The following HS3ST5 variants were observed in gnomAD, a reference collection of about 807,000 sequenced individuals.
The protein encoded by HS3ST5 is heparan sulfate glucosamine 3-O-sulfotransferase 5.
Under a neutral mutation model 25.4 loss-of-function variants are expected in HS3ST5, and 10 were observed. The observed-to-expected ratio is 0.39, with a 90% CI of 0.24 to 0.67. The LOEUF (loss-of-function observed/expected upper bound fraction) is 0.67, where lower values mean the gene tolerates loss of function less well. Ranked by LOEUF, HS3ST5 falls within the 30% of genes least tolerant of loss-of-function variation. The pLI, the probability that HS3ST5 is intolerant of heterozygous loss-of-function variation, is 0.44. For missense variants in HS3ST5, 324 were observed against 420.7 expected (o/e 0.77, Z 2.01); for synonymous variants, 170 against 162.4 (o/e 1.05, Z -0.36).
At chr6:114,304,462 G>A (rs772318421) in intron 1 of HS3ST5, among the ~76,000 whole-genome samples, 15 of 151,974 alleles carry the variant, frequency 9.9e-5, no homozygotes, top group Non-Finnish European at 1.9e-4. Flanking sequence ...AATTTTTAAT[G>A]CCTCTATACA....
chr6:114,170,456 A>C (rs1227569426), intron 2 of HS3ST5, among the ~76,000 whole-genome samples: 2 of 152,162 alleles, frequency 1.3e-5, no homozygotes, highest in Non-Finnish European at 2.9e-5. Context: ...TACAAAATGT[A>C]ACTATTTTCT....
chr6:114,268,319 G>C (rs933944832), intron 1 of HS3ST5, among the ~76,000 whole-genome samples: 1 of 152,190 alleles, frequency 6.6e-6, no homozygotes, highest in Non-Finnish European at 1.5e-5. Flanking sequence ...AAAGCTAAAA[G>C]GGTAGCCAGC....
intron 3 of HS3ST5, among the ~76,000 whole-genome samples, chr6:114,118,130 C>G (rs1306744921): frequency 1.3e-5 from 2 of 152,168 alleles, no homozygotes; most frequent in Non-Finnish European, 2.9e-5. Context: ...CTTTATTTCT[C>G]CAGTTGTAAA....
intron 1 of HS3ST5, among the ~76,000 whole-genome samples, chr6:114,330,776 C>T (rs926083504): frequency 6.6e-6 from 1 of 152,108 alleles, no homozygotes; most frequent in Non-Finnish European, 1.5e-5. Flanking sequence ...TCTAGGGAGT[C>T]CTGGGTAAAA....
intron 3 of HS3ST5, among the ~76,000 whole-genome samples, chr6:114,092,195 G>C (rs1775155129): frequency 6.6e-6 from 1 of 152,200 alleles, no homozygotes; most frequent in Admixed American, 6.5e-5. Context: ...TAAGATGACA[G>C]TGCCCTTACT....
chr6:114,194,910 G>A (rs747430057), intron 2 of HS3ST5, among the ~76,000 whole-genome samples: 3 of 152,182 alleles, frequency 2.0e-5, no homozygotes, highest in African/African-American at 4.8e-5. Flanking sequence ...GCCAGAGGCC[G>A]TGCCTCCCAG....
chr6:114,204,584 A>T (rs1196184062), intron 2 of HS3ST5, among the ~76,000 whole-genome samples: 2 of 152,142 alleles, frequency 1.3e-5, no homozygotes, highest in East Asian at 3.9e-4. Flanking sequence ...TATATTTTTA[A>T]AAAGCTCTAA....
intron 1 of HS3ST5, among the ~76,000 whole-genome samples, chr6:114,276,526 T>C (rs1236528762): frequency 6.6e-6 from 1 of 151,752 alleles, no homozygotes; most frequent in African/African-American, 2.4e-5. Flanking sequence ...GCAAAAAGCA[T>C]TTTTTTGTAT....
chr6:114,255,706 A>G (rs962577722), intron 1 of HS3ST5, among the ~76,000 whole-genome samples: 1 of 152,114 alleles, frequency 6.6e-6, no homozygotes. Context: ...ACCATGTGGA[A>G]GCTGCCAAGG....
chr6:114,113,832 C>CT (rs879394046), intron 3 of HS3ST5, among the ~76,000 whole-genome samples: 94 of 147,576 alleles, frequency 6.4e-4, no homozygotes, highest in East Asian at 1.8e-3. Context: ...CTGTCAAAGT[C>CT]TTTTTTTTTT....
intron 3 of HS3ST5, among the ~76,000 whole-genome samples, chr6:114,065,402 T>G (rs565753683): frequency 1.3e-5 from 2 of 152,322 alleles, no homozygotes; most frequent in South Asian, 4.1e-4. Flanking sequence ...GAAATGCAAA[T>G]ACTGCAGCAA....
Position 114,138,192 on chromosome 6 carries a change from A to C in HS3ST5, c.-33+30159T>G, listed in dbSNP as rs555338258. Among the ~76,000 whole-genome samples, 77 of 152,314 alleles carry C rather than the reference A, an allele frequency of 5.1e-4. 1 individual carries two copies. The highest frequency in any genetic ancestry group is 6.8e-4 in the Non-Finnish European group (46 of 68,022). ...TCATTCATTGAACAAGTACTTATTGAACATCTATATGCCATGATAGTTCTA... is the reference window on the plus strand; with the variant it reads ...TCATTCATTGAACAAGTACTTATTGCACATCTATATGCCATGATAGTTCTA... On this transcript the variant is annotated intron_variant, in intron 3 of 4. Transcript: ENST00000312719.
At chr6:114,177,959 A>C (rs897836839) in intron 2 of HS3ST5, among the ~76,000 whole-genome samples, 1 of 152,182 alleles carries the variant, frequency 6.6e-6, no homozygotes. Context: ...TAAACATGAA[A>C]ATTTTTTGGA....
chr6:114,180,622 G>A (rs1469993189), intron 2 of HS3ST5, among the ~76,000 whole-genome samples: 3 of 152,128 alleles, frequency 2.0e-5, no homozygotes, highest in African/African-American at 4.8e-5. Context: ...GCCTGCAGAC[G>A]GCCTATCGTG....
At chr6:114,190,156 G>T (rs1298291228) in intron 2 of HS3ST5, among the ~76,000 whole-genome samples, 2 of 152,078 alleles carry the variant, frequency 1.3e-5, no homozygotes, top group African/African-American at 4.8e-5. Context: ...TTTTTCTCTA[G>T]TCATGGAACA....
chr6:114,175,318 T>C (rs1031550382), intron 2 of HS3ST5, among the ~76,000 whole-genome samples: 3 of 152,166 alleles, frequency 2.0e-5, no homozygotes, highest in African/African-American at 4.8e-5. Context: ...ATTGTTATTA[T>C]ATAATAAAGA....
rs535207678 is a variant in HS3ST5, at chr6:114,302,224, GAC to G, written c.-339+39969_-339+39970del. Among the ~76,000 whole-genome samples, 99 of 152,190 alleles carry G rather than the reference GAC, an allele frequency of 6.5e-4. 1 individual carries two copies. Among genetic ancestry groups the G allele is most frequent in the African/African-American group, 2.3e-3 (96 of 41,540 alleles). On this transcript the variant is annotated intron_variant, in intron 1 of 4. Transcript: ENST00000312719. ...TTAGGCTCAACTAGGTAATGAGAAA[GAC>G]AGAAAAATTAATCGTTTCAATCAAC...
intron 2 of HS3ST5, among the ~76,000 whole-genome samples, chr6:114,204,632 A>G (rs867352251): frequency 1.3e-5 from 2 of 152,196 alleles, no homozygotes; most frequent in Admixed American, 6.5e-5. Context: ...ATTTTACACT[A>G]TAAGATTTAC....
chr6:114,204,281 A>T (rs1781166924), intron 2 of HS3ST5, among the ~76,000 whole-genome samples: 1 of 152,198 alleles, frequency 6.6e-6, no homozygotes, highest in Non-Finnish European at 1.5e-5. Flanking sequence ...AATGACCTTG[A>T]GGCTTCTTCA....
Sources: gnomAD v4.1 joint callset for allele counts (sites outside exome capture counted in the v4.1 genomes callset) on GRCh38, gnomAD v4.1.1 for gene constraint, MANE v1.5 for transcripts, NCBI Gene and HGNC (gene_info 2026-07-23, HGNC 2026-07-21) for gene names.